MET: variants seen among roughly 807,000 people sequenced by gnomAD.
MET encodes MET proto-oncogene, receptor tyrosine kinase, also known as hepatocyte growth factor receptor.
In MET, 48 loss-of-function variants were observed where a neutral mutation model predicts 133.1. That is an observed-to-expected ratio of 0.36 (90% CI 0.29 to 0.46). MET has a LOEUF of 0.46. Among genes scored for constraint, MET ranks in the 20% least tolerant of loss-of-function variants. MET has a pLI of 1.00. For synonymous variants in MET, 628 were observed against 616.5 expected (o/e 1.02, Z -0.28); for missense variants, 1,442 against 1,695.9 (o/e 0.85, Z 2.63).
Position 116,757,703 on chromosome 7 carries a change from A to G in MET, c.2031A>G (p.Leu677=). The G allele has an allele frequency of 6.2e-7, 1 of 1,613,950 alleles. No individual in the cohort carries two copies. The highest frequency in any genetic ancestry group is 8.5e-7 in the Non-Finnish European group (1 of 1,179,912). ...TGGCTGGTGGCACTTTACTTACTTTAACTGGAAATTACCTAAACAGTGGGA... is the reference window on the plus strand; with the variant it reads ...TGGCTGGTGGCACTTTACTTACTTTGACTGGAAATTACCTAAACAGTGGGA... ...GPMAGGTLLT[L]TGNYLNSGNS... is the part of the protein sequence containing the mutation. Residue 677 remains leucine, a synonymous_variant, in exon 8 of 21, where the codon TTA becomes TTG. Coordinates refer to ENST00000397752, the MANE Select transcript of MET (RefSeq NM_000245.4).
At chr7:116,779,577 A>C (rs1466745130) in intron 17 of MET, among the ~76,000 whole-genome samples, 1 of 151,990 alleles carries the variant, frequency 6.6e-6, no homozygotes, top group African/African-American at 2.4e-5. Context: ...TTCCCCCATC[A>C]CACTTAACTG....
At chr7:116,723,370 G>A (rs1471017193) in intron 2 of MET, among the ~76,000 whole-genome samples, 1 of 148,602 alleles carries the variant, frequency 6.7e-6, no homozygotes, top group Admixed American at 6.7e-5. Context: ...GGTTATTCTA[G>A]TTATACATTC....
chr7:116,784,133 G>T (rs1428884788), intron 19 of MET, among the ~76,000 whole-genome samples: 1 of 152,230 alleles, frequency 6.6e-6, no homozygotes, highest in African/African-American at 2.4e-5. Flanking sequence ...AGGTGTGGCA[G>T]AAGAGCAGGA....
intron 2 of MET, among the ~76,000 whole-genome samples, chr7:116,725,301 A>G (rs1403424653): frequency 6.6e-6 from 1 of 152,122 alleles, no homozygotes; most frequent in South Asian, 2.1e-4. Context: ...TACTCTGCAA[A>G]TGTTATGTAA....
At chr7:116,724,815 G>A in intron 2 of MET, 1 of 1,289,246 alleles carries the variant, frequency 7.8e-7, no homozygotes, top group Non-Finnish European at 1.0e-6. Context: ...TGGAGCCAGA[G>A]AGCCTAGGCT....
At chr7:116,728,115 T>G (rs1380521515) in intron 2 of MET, among the ~76,000 whole-genome samples, 1 of 152,140 alleles carries the variant, frequency 6.6e-6, no homozygotes, top group Non-Finnish European at 1.5e-5. Flanking sequence ...CCTCAACACC[T>G]CTTCTGCAGA....
At chr7:116,737,226 C>T (rs1793249929) in intron 3 of MET, among the ~76,000 whole-genome samples, 1 of 152,196 alleles carries the variant, frequency 6.6e-6, no homozygotes, top group South Asian at 2.1e-4. Flanking sequence ...AACACTCATG[C>T]TAACTCGTGA....
At chr7:116,740,777 T>G in intron 4 of MET, 75 bp from the exon 5 acceptor site, 1 of 1,554,148 alleles carries the variant, frequency 6.4e-7, no homozygotes, top group Non-Finnish European at 8.9e-7. Flanking sequence ...CATGTACCTT[T>G]TGTGTACTTA....
At chr7:116,736,239 A>G (rs1793206336) in intron 3 of MET, among the ~76,000 whole-genome samples, 1 of 152,172 alleles carries the variant, frequency 6.6e-6, no homozygotes, top group South Asian at 2.1e-4. Context: ...CTATAGAGAT[A>G]GAAAGTAGAT....
Position 116,731,691 on chromosome 7 carries a change from C to G in MET, c.1224C>G (p.Gly408=), listed in dbSNP as rs965135961. The part of the protein sequence containing the change: ...FNRTLLRNSS[G]CEARRDEYRT... ...AGACACTTCTGAGAAATTCATCAGG[C>G]TGTGAAGCGCGCCGTGATGAATATC... Residue 408 remains glycine (G), a synonymous_variant, in exon 3 of 21, where the codon GGC becomes GGG. Coordinates refer to ENST00000397752, the MANE Select transcript of MET (RefSeq NM_000245.4). The G allele has an allele frequency of 6.2e-7, 1 of 1,614,008 alleles. No individual in the cohort carries two copies. Among genetic ancestry groups the G allele is most frequent in the African/African-American group, 1.3e-5 (1 of 74,940 alleles).
chr7:116,750,288 A>G (rs1441966958), intron 5 of MET, among the ~76,000 whole-genome samples: 1 of 152,214 alleles, frequency 6.6e-6, no homozygotes, highest in Non-Finnish European at 1.5e-5. Context: ...CGCATTTACA[A>G]CCATCTGATC....
Position 116,755,441 on chromosome 7 carries a change from T to C in MET, c.1788T>C (p.Phe596=). ...WDFGFRRNNK[F]DLKKTRVLLG... is the part of the protein sequence containing the mutation. ...TTGGATTTCGGAGGAATAATAAATT[T>C]GATTTAAAGAAAACTAGAGTTCTCC... The change falls in exon 6 of 21, where the codon TTT becomes TTC. Residue 596 remains phenylalanine, a synonymous_variant. Transcript: ENST00000397752. 1 of 1,614,148 alleles carries C rather than the reference T, an allele frequency of 6.2e-7. No homozygotes were observed. Among genetic ancestry groups the C allele is most frequent in the Non-Finnish European group, 8.5e-7 (1 of 1,180,000 alleles).
Position 116,731,742 on chromosome 7 carries a change from G to C in MET, c.1275G>C (p.Gln425His), listed in dbSNP as rs201181441. 6.2e-7 allele frequency: 1 copy of C among 1,614,116 alleles called. No individual in the cohort carries two copies. Among genetic ancestry groups the C allele is most frequent in the South Asian group, 1.1e-5 (1 of 91,078 alleles). ...EYRTEFTTAL[Q>H]RVDLFMGQFS... ...GAACAGAGTTTACCACAGCTTTGCA[G>C]CGCGTTGACTTATTCATGGGTCAAT... The change falls in exon 3 of 21, where the codon CAG (glutamine) becomes CAC (histidine). Residue 425 changes from glutamine to histidine, a missense_variant. Transcript: ENST00000397752.
chr7:116,789,033 C>T (rs1349833588), intron 19 of MET, among the ~76,000 whole-genome samples: 1 of 152,214 alleles, frequency 6.6e-6, no homozygotes, highest in Non-Finnish European at 1.5e-5. Context: ...CTTCCTTGTT[C>T]TCAGCCCTTA....
chr7:116,687,057 G>T (rs767250103), intron 1 of MET, among the ~76,000 whole-genome samples: 3 of 152,240 alleles, frequency 2.0e-5, no homozygotes, highest in Non-Finnish European at 4.4e-5. Context: ...GTGGAAGGTG[G>T]AGATTCCCAG....
chr7:116,699,141 G>A lies in MET; in HGVS notation c.57G>A (p.Val19=), dbSNP rs1584875673. The A allele has an allele frequency of 2.5e-6, 4 of 1,613,896 alleles. No homozygotes were observed. Among genetic ancestry groups the A allele is most frequent in the South Asian group, 1.1e-5 (1 of 91,072 alleles). Residue 19 remains valine (V), a synonymous_variant, in exon 2 of 21, where the codon GTG becomes GTA. Transcript: ENST00000397752. ...PGILVLLFTL[V]QRSNGECKEA... ...TCCTCGTGCTCCTGTTTACCTTGGT[G>A]CAGAGGAGCAATGGGGAGTGTAAAG...
chr7:116,695,551 CAG>C (rs1266421569), intron 1 of MET, among the ~76,000 whole-genome samples: 1 of 152,180 alleles, frequency 6.6e-6, no homozygotes, highest in East Asian at 1.9e-4. Flanking sequence ...GGGCTAGAAT[CAG>C]AGGGCTGATT....
At chr7:116,716,956 G>C (rs1206871139) in intron 2 of MET, among the ~76,000 whole-genome samples, 1 of 151,560 alleles carries the variant, frequency 6.6e-6, no homozygotes, top group Non-Finnish European at 1.5e-5. Context: ...CTTAAATTTT[G>C]CCCCCCCCAG....
chr7:116,758,487 AC>A lies in MET; in HGVS notation c.2135del (p.Pro712GlnfsTer13), dbSNP rs2116930457. ...GTCAAACAGTATTCTTGAATGTTAT[AC>A]CCCAGCCCAAACCATTTCAACTGAG... ...SVSNSILECY[T>X]PAQTISTEFA... On this transcript the variant is annotated frameshift_variant, in exon 9 of 21. Transcript: ENST00000397752. LOFTEE classifies it high-confidence loss of function. 1 of 1,613,786 alleles carries A rather than the reference AC, an allele frequency of 6.2e-7. No homozygotes were observed. Among genetic ancestry groups the A allele is most frequent in the Non-Finnish European group, 8.5e-7 (1 of 1,179,818 alleles).
Sources: gnomAD v4.1 joint callset for allele counts (sites outside exome capture counted in the v4.1 genomes callset) on GRCh38, gnomAD v4.1.1 for gene constraint, MANE v1.5 for transcripts, NCBI Gene and HGNC (gene_info 2026-07-23, HGNC 2026-07-21) for gene names.